ADGRB3: variants seen among roughly 807,000 people sequenced by gnomAD.
ADGRB3 encodes adhesion G protein-coupled receptor B3.
In ADGRB3, 37 loss-of-function variants were observed where a neutral mutation model predicts 193.4. That is an observed-to-expected ratio of 0.19 (90% confidence interval 0.15 to 0.25). ADGRB3 has a LOEUF of 0.25. Among genes scored for constraint, ADGRB3 ranks in the 10% least tolerant of loss-of-function variants. ADGRB3 has a pLI of 1.00. For missense variants in ADGRB3, 1,637 were observed against 1,852.9 expected (o/e 0.88, Z 2.14); for synonymous variants, 690 against 644.2 (o/e 1.07, Z -1.08).
At chr6:68,728,278 TA>T (rs113003435) in intron 3 of ADGRB3, among the ~76,000 whole-genome samples, 5,538 of 151,606 alleles carry the variant, frequency 0.037, 192 homozygotes, top group African/African-American at 0.088. Context: ...TACTTTCCAG[TA>T]ACATGTCCAG....
intron 3 of ADGRB3, among the ~76,000 whole-genome samples, chr6:68,689,712 C>A (rs1174590220): frequency 4.6e-5 from 7 of 150,980 alleles, no homozygotes; most frequent in Non-Finnish European, 7.4e-5. Context: ...GAAAAAAAAA[C>A]AACTTTTAAA....
At chr6:69,189,987 A>G (rs1482752874) in intron 17 of ADGRB3, among the ~76,000 whole-genome samples, 1 of 152,172 alleles carries the variant, frequency 6.6e-6, no homozygotes, top group African/African-American at 2.4e-5. Flanking sequence ...GTATGTGTTT[A>G]TAGGGATGCT....
At chr6:68,975,147 C>T in intron 9 of ADGRB3, 87 bp from the exon 10 acceptor site, 1 of 1,102,892 alleles carries the variant, frequency 9.1e-7, no homozygotes, top group Non-Finnish European at 1.3e-6. Flanking sequence ...AAAGTACAAA[C>T]TTAATTTTTA....
Position 69,223,338 on chromosome 6 carries a change from A to T in ADGRB3, c.2481-9952A>T, listed in dbSNP as rs190454855. On this transcript the variant is annotated intron_variant, in intron 17 of 31. Coordinates refer to ENST00000370598, the MANE Select transcript of ADGRB3 (RefSeq NM_001704.3). ...CACATATTCCTGGCCCCATCCCAGA[A>T]CTAATGAAGCAGAGTTTTTAGTGAA... is the stretch of plus-strand genomic sequence containing the variant. Among the ~76,000 whole-genome samples the T allele has an allele frequency of 8.3e-4, 127 of 152,292 alleles. 1 individual carries two copies. The highest frequency in any genetic ancestry group is 2.9e-3 in the African/African-American group (122 of 41,574).
At chr6:69,356,323 T>G (rs1238467855) in intron 28 of ADGRB3, among the ~76,000 whole-genome samples, 1 of 152,082 alleles carries the variant, frequency 6.6e-6, no homozygotes, top group East Asian at 1.9e-4. Context: ...TTAAGCACAC[T>G]AAATAAAGTA....
chr6:68,866,113 G>C (rs1456071015), intron 3 of ADGRB3, among the ~76,000 whole-genome samples: 1 of 116,752 alleles, frequency 8.6e-6, no homozygotes, highest in East Asian at 3.1e-4. Context: ...TCAGAATTTG[G>C]CACTAAGTCC....
chr6:69,034,487 G>T (rs978757579), intron 13 of ADGRB3, among the ~76,000 whole-genome samples: 5 of 149,178 alleles, frequency 3.4e-5, no homozygotes, highest in Non-Finnish European at 7.4e-5. Flanking sequence ...AATTATAATT[G>T]GTTGATATGC....
intron 17 of ADGRB3, among the ~76,000 whole-genome samples, chr6:69,186,438 C>A (rs1765069849): frequency 6.6e-6 from 1 of 151,746 alleles, no homozygotes; most frequent in African/African-American, 2.4e-5. Flanking sequence ...TAAAGCCTTC[C>A]CTCCCCACCC....
At chr6:69,373,823 T>G (rs1053642587) in intron 30 of ADGRB3, among the ~76,000 whole-genome samples, 4 of 151,966 alleles carry the variant, frequency 2.6e-5, no homozygotes, top group African/African-American at 9.7e-5. Context: ...AGCGGCAAAA[T>G]ATAGTAAAAA....
chr6:69,372,472 A>G, intron 30 of ADGRB3, 31 bp downstream of exon 30: 2 of 1,181,380 alleles, frequency 1.7e-6, no homozygotes, highest in Non-Finnish European at 2.3e-6. Context: ...TTAGAATTGT[A>G]ATTACTTGAA....
chr6:69,040,311 T>C (rs141931195), intron 13 of ADGRB3, among the ~76,000 whole-genome samples: 774 of 29,380 alleles, frequency 0.026, 8 homozygotes, highest in South Asian at 0.031. Flanking sequence ...CTCTGTCTCT[T>C]TCTTTCTTTC....
intron 20 of ADGRB3, among the ~76,000 whole-genome samples, chr6:69,246,049 G>A (rs1478072130): frequency 6.6e-6 from 1 of 152,124 alleles, no homozygotes; most frequent in African/African-American, 2.4e-5. Context: ...TCTAGGGCCT[G>A]TTTTAGCTCT....
Position 69,137,603 on chromosome 6 carries a change from C to T in ADGRB3, c.2480+61565C>T, listed in dbSNP as rs533686831. Among the ~76,000 whole-genome samples, 3 of 152,150 alleles carry T rather than the reference C, an allele frequency of 2.0e-5. No individual in the cohort carries two copies. The South Asian group carries it at 6.2e-4, about 32-fold the overall frequency. ...CACAAGGTCAGGAGTTCAAGAGCAT[C>T]CTGGCCAATATGATGAAACCCCATC... On this transcript the variant is annotated intron_variant, in intron 17 of 31. Coordinates refer to ENST00000370598, the MANE Select transcript of ADGRB3 (RefSeq NM_001704.3).
At chr6:68,952,136 C>T (rs186867067) in intron 6 of ADGRB3, among the ~76,000 whole-genome samples, 2 of 152,110 alleles carry the variant, frequency 1.3e-5, no homozygotes, top group African/African-American at 4.8e-5. Context: ...TTCTACCCCC[C>T]CAAAGCCTCC....
intron 30 of ADGRB3, among the ~76,000 whole-genome samples, chr6:69,379,753 C>T (rs988736340): frequency 6.6e-6 from 1 of 151,958 alleles, no homozygotes; most frequent in African/African-American, 2.4e-5. Context: ...AACTCCAGGC[C>T]ATCATTGCTA....
intron 20 of ADGRB3, among the ~76,000 whole-genome samples, chr6:69,250,348 A>G (rs187596446): frequency 4.0e-4 from 61 of 152,258 alleles, no homozygotes; most frequent in Admixed American, 5.9e-4. Context: ...ATTAGAAATA[A>G]GACCACCTAT....
intron 17 of ADGRB3, among the ~76,000 whole-genome samples, chr6:69,116,070 A>T (rs1456345096): frequency 1.3e-5 from 2 of 152,114 alleles, no homozygotes; most frequent in Non-Finnish European, 2.9e-5. Context: ...TTTAGGGAAG[A>T]CCAGCAGACT....
intron 24 of ADGRB3, among the ~76,000 whole-genome samples, chr6:69,338,251 T>C (rs1056672366): frequency 1.3e-5 from 2 of 152,202 alleles, no homozygotes; most frequent in African/African-American, 4.8e-5. Flanking sequence ...TATTTTGAAC[T>C]TAATGACTAT....
chr6:68,976,252 T>C lies in ADGRB3; in HGVS notation c.1734+912T>C, dbSNP rs114768035. Among the ~76,000 whole-genome samples the C allele has an allele frequency of 9.1e-3, 1,387 of 152,258 alleles. 21 individuals are homozygous for C. The highest frequency in any genetic ancestry group is 0.032 in the African/African-American group (1,322 of 41,562). Reference sequence around the variant, plus strand: ...ATAGCTTATACAATAACAACCCCTATCAACTAATAGAATTAGTATTTGTTT... The same window carrying C: ...ATAGCTTATACAATAACAACCCCTACCAACTAATAGAATTAGTATTTGTTT... On this transcript the variant is annotated intron_variant, in intron 10 of 31. Transcript: ENST00000370598.
Sources: allele counts gnomAD v4.1 joint callset (sites outside exome capture counted in the v4.1 genomes callset), GRCh38; gene constraint gnomAD v4.1.1; transcripts MANE v1.5; gene names NCBI Gene and HGNC (gene_info 2026-07-23, HGNC 2026-07-21).